SLC13A4: variants seen among roughly 807,000 people sequenced by gnomAD.
SLC13A4 encodes the protein solute carrier family 13 member 4.
In SLC13A4, 28 loss-of-function variants were observed where a neutral mutation model predicts 72.7. The observed-to-expected ratio is 0.39, with a 90% CI of 0.29 to 0.53. The LOEUF is 0.53. Among genes scored for constraint, SLC13A4 ranks in the 20% least tolerant of loss-of-function variants. The probability of loss-of-function intolerance (pLI) is 0.78; values close to 1 mark genes in which losing one functional copy is unlikely to be tolerated. For missense variants in SLC13A4, 653 were observed against 788.0 expected (o/e 0.83, Z 2.05); for synonymous variants, 312 against 325.5 (o/e 0.96, Z 0.45).
intron 15 of SLC13A4, 27 bp from the exon 16 acceptor site, chr7:135,681,727 A>G (rs780596198): frequency 3.7e-6 from 6 of 1,606,462 alleles, no homozygotes; most frequent in Middle Eastern, 1.9e-4. Context: ...AGCACACCCT[A>G]GTCACTCTGA....
intron 3 of SLC13A4, among the ~76,000 whole-genome samples, chr7:135,706,790 C>T (rs1796173848): frequency 6.6e-6 from 1 of 152,226 alleles, no homozygotes; most frequent in African/African-American, 2.4e-5. Context: ...CTCACAGTTC[C>T]ACCCACTACC....
Position 135,706,147 on chromosome 7 carries a change from G to A in SLC13A4, c.519C>T (p.Thr173=), listed in dbSNP as rs762571314. ...CTGTACTGATGGGTTCGGCCTCTTC[G>A]GTGTTGGAGTTGCCCGCCACGAGCT... ...DEQLVAGNSN[T]EEAEPISLDV... Residue 173 remains threonine, a synonymous_variant, in exon 4 of 16, where the codon ACC becomes ACT. Transcript: ENST00000682651. 14 of 1,603,796 alleles carry A rather than the reference G, an allele frequency of 8.7e-6. No homozygotes were observed. The East Asian group carries it at 2.0e-4, about 23-fold the overall frequency.
rs984554706 is a variant in SLC13A4 at position 135,727,652 on chromosome 7, T to C, written c.-156A>G. Reference sequence around the variant, plus strand: ...TGGGGGCAGAACGGGAGGGCAGTTATACCCTCGCTGTTTCTACAAGAGGCT... The same window carrying C: ...TGGGGGCAGAACGGGAGGGCAGTTACACCCTCGCTGTTTCTACAAGAGGCT... On this transcript the variant is annotated 5_prime_UTR_variant, in exon 1 of 16. Coordinates refer to ENST00000682651, the MANE Select transcript of SLC13A4 (RefSeq NM_001318192.2). The C allele has an allele frequency of 1.2e-4, 104 of 872,112 alleles. No individual in the cohort carries two copies. Among genetic ancestry groups the C allele is most frequent in the Non-Finnish European group, 1.6e-4 (94 of 595,184 alleles). The allele number at this position is 872,112 out of a possible 1,614,324, so 54.0% of individuals were successfully genotyped here.
rs559699559 is a variant in SLC13A4, at chr7:135,691,408, G to T, written c.1322-83C>A. ...CAGGAGCCTAATTGGTGAAGTGGAT[G>T]ATTTGGGATACTGCTATTTGGGGCG... On this transcript the variant is annotated intron_variant, in intron 12 of 15. Transcript: ENST00000682651. 8.7e-5 allele frequency: 98 copies of T among 1,120,400 alleles called. No homozygotes were observed. The African/African-American group carries it at 1.4e-3, about 16-fold the overall frequency. The allele number at this position is 1,120,400 out of a possible 1,614,324, so 69.4% of individuals were successfully genotyped here.
intron 13 of SLC13A4, among the ~76,000 whole-genome samples, chr7:135,688,536 C>T (rs945336644): frequency 1.3e-5 from 2 of 152,168 alleles, no homozygotes; most frequent in Non-Finnish European, 2.9e-5. Flanking sequence ...GGATTACAGG[C>T]GTGAGTCACC....
Position 135,691,300 on chromosome 7 carries a change from C to T in SLC13A4, c.1347G>A (p.Gly449=). Residue 449 remains glycine (G), a synonymous_variant, in exon 13 of 16, where the codon GGG becomes GGA. Coordinates refer to ENST00000682651, the MANE Select transcript of SLC13A4 (RefSeq NM_001318192.2). ...NDGENQEHSL[G]TEPIITWKDF... ...CCTTCCACGTGATGATGGGCTCGGT[C>T]CCCAGTGAGTGCTCCTGGTTCTCTC... 1 of 1,613,664 alleles carries T rather than the reference C, an allele frequency of 6.2e-7. No individual in the cohort carries two copies. The highest frequency in any genetic ancestry group is 8.5e-7 in the Non-Finnish European group (1 of 1,179,840).
intron 2 of SLC13A4, among the ~76,000 whole-genome samples, chr7:135,709,276 A>G (rs1416823345): frequency 1.3e-5 from 2 of 151,648 alleles, no homozygotes; most frequent in African/African-American, 2.4e-5. Flanking sequence ...TCAAGTTCCA[A>G]TGAATTCCAA....
chr7:135,703,729 A>G (rs1796094480), intron 5 of SLC13A4: 1 of 152,272 alleles, frequency 6.6e-6, no homozygotes, highest in Non-Finnish European at 1.5e-5. Context: ...CAGAGAGCGT[A>G]TTGGGCACAC....
In SLC13A4 at chr7:135,681,277, CT is replaced by C. The variant is rs1563152640; in HGVS notation, c.*285del. ...TTTTTTTTAATTTAATTTTTATTTT[CT>C]TTTTCTTTTTCTGTGAGCCTATGGC... On this transcript the variant is annotated 3_prime_UTR_variant, in exon 16 of 16. Coordinates refer to ENST00000682651, the MANE Select transcript of SLC13A4 (RefSeq NM_001318192.2). The C allele has an allele frequency of 3.5e-6, 1 of 289,152 alleles. No individual in the cohort carries two copies. The highest frequency in any genetic ancestry group is 6.3e-6 in the Non-Finnish European group (1 of 157,540). The allele number at this position is 289,152 out of a possible 1,614,324, so 17.9% of individuals were successfully genotyped here.
At chr7:135,711,699 G>A (rs896252069) in intron 2 of SLC13A4, among the ~76,000 whole-genome samples, 8 of 152,114 alleles carry the variant, frequency 5.3e-5, no homozygotes, top group Admixed American at 5.2e-4. Context: ...AACTCTAGGG[G>A]GATTTTCTGG....
intron 1 of SLC13A4, among the ~76,000 whole-genome samples, chr7:135,722,608 T>C (rs1004239900): frequency 1.3e-5 from 2 of 152,212 alleles, no homozygotes; most frequent in East Asian, 3.8e-4. Context: ...AAAAAAGCTT[T>C]ATTGCTTTAA....
Position 135,708,245 on chromosome 7 carries a change from C to A in SLC13A4, c.234G>T (p.Ala78=), listed in dbSNP as rs755028599. 5.0e-6 allele frequency: 8 copies of A among 1,614,180 alleles called. No individual in the cohort carries two copies. Among genetic ancestry groups the A allele is most frequent in the Non-Finnish European group, 6.8e-6 (8 of 1,180,024 alleles). The change falls in exon 3 of 16, where the codon GCG becomes GCT. Residue 78 remains alanine (A), a synonymous_variant. Coordinates refer to ENST00000682651, the MANE Select transcript of SLC13A4 (RefSeq NM_001318192.2). ...FFGVLRSNEV[A]AEYFKNTTLL... The stretch of plus-strand genomic sequence containing the variant: ...GCGTGGTGTTCTTGAAGTACTCCGC[C>A]GCCACCTGTAGGGAGGCCAGGCATG...
chr7:135,693,783 TG>T (rs1345307095), intron 10 of SLC13A4, among the ~76,000 whole-genome samples: 1 of 152,194 alleles, frequency 6.6e-6, no homozygotes, highest in Non-Finnish European at 1.5e-5. Context: ...CGCACCACTG[TG>T]GTGGCGCGTC....
rs1584714235 is a variant in SLC13A4, at chr7:135,685,596, G to C, written c.1534C>G (p.Leu512Val). 1 of 1,614,070 alleles carries C rather than the reference G, an allele frequency of 6.2e-7. No individual in the cohort carries two copies. Among genetic ancestry groups the C allele is most frequent in the Admixed American group, 1.7e-5 (1 of 60,014 alleles). Residue 512 changes from leucine to valine, a missense_variant, in exon 14 of 16, where the codon CTC (leucine) becomes GTC (valine). By Grantham distance (32) the Leu-to-Val change is conservative (BLOSUM62 1). Transcript: ENST00000682651. ...PWAVTLLACI[L>V]VSIVTEFVSN... is the part of the protein sequence containing the mutation. Reference sequence around the variant, plus strand: ...ACAAACTCAGTGACAATGGACACGAGGATGCATGCCAGCAGGGTGACAGCC... The same window carrying C: ...ACAAACTCAGTGACAATGGACACGACGATGCATGCCAGCAGGGTGACAGCC...
At chr7:135,723,867 A>T (rs1796597413) in intron 1 of SLC13A4, among the ~76,000 whole-genome samples, 1 of 152,238 alleles carries the variant, frequency 6.6e-6, no homozygotes, top group Non-Finnish European at 1.5e-5. Context: ...CAGAGGGAAG[A>T]TAAAACTTTT....
intron 9 of SLC13A4, 118 bp from the exon 10 acceptor site, chr7:135,694,356 T>C (rs1360367297): frequency 3.1e-6 from 2 of 654,676 alleles, no homozygotes; most frequent in African/African-American, 1.8e-5. Context: ...CTCTTTCACA[T>C]GCTCTATCCC....
At chr7:135,700,321 A>G (rs1221406249) in intron 7 of SLC13A4, among the ~76,000 whole-genome samples, 1 of 152,136 alleles carries the variant, frequency 6.6e-6, no homozygotes, top group African/African-American at 2.4e-5. Context: ...GTGTTTCCTG[A>G]AGAAGCAAGT....
At chr7:135,688,807 G>A (rs1199782665) in intron 13 of SLC13A4, 1 of 151,612 alleles carries the variant, frequency 6.6e-6, no homozygotes, top group East Asian at 1.9e-4. Context: ...GAGGCAGTAG[G>A]CTTTACAGAA....
chr7:135,694,192 C>A lies in SLC13A4; in HGVS notation c.1066G>T (p.Glu356Ter). 6.2e-7 allele frequency: 1 copy of A among 1,613,420 alleles called. No individual in the cohort carries two copies. Among genetic ancestry groups the A allele is most frequent in the Non-Finnish European group, 8.5e-7 (1 of 1,179,410 alleles). Reference protein sequence around the residue: ...SLSKKKKTKREQLSEKRIQEE... With the variant: ...SLSKKKKTKR ...TGGATCCTCTTCTCTGACAACTGTT[C>A]CCTTTTGGTCTTCTTCTTCTTGCTC... The change falls in exon 10 of 16, where the codon GAA (glutamate) becomes TAA (stop). Residue 356 changes from glutamate (E) to a stop codon, truncating the protein, a stop_gained. Transcript: ENST00000682651. LOFTEE classifies it high-confidence loss of function.
Sources: gnomAD v4.1 joint callset for allele counts (sites outside exome capture counted in the v4.1 genomes callset) on GRCh38, gnomAD v4.1.1 for gene constraint, MANE v1.5 for transcripts, NCBI Gene and HGNC (gene_info 2026-07-23, HGNC 2026-07-21) for gene names.